Variants in STAG1 observed in about 807,000 individuals in gnomAD.
STAG1 encodes STAG1 cohesin complex component.
Under a neutral mutation model 170.9 loss-of-function variants are expected in STAG1, and 26 were observed. That is an observed-to-expected ratio of 0.15 (90% CI 0.11 to 0.21). STAG1 has a LOEUF of 0.21. Ranked by LOEUF, STAG1 falls within the 10% of genes least tolerant of loss-of-function variation. STAG1 has a pLI of 1.00. For synonymous variants in STAG1, 514 were observed against 497.7 expected (o/e 1.03, Z -0.44); for missense variants, 964 against 1,509.5 (o/e 0.64, Z 5.99).
chr3:136,716,419 C>T (rs1257573316), intron 1 of STAG1, among the ~76,000 whole-genome samples: 5 of 152,096 alleles, frequency 3.3e-5, no homozygotes, highest in Admixed American at 6.5e-5. Context: ...GCCGAGATCA[C>T]GCCACTGCAC....
intron 10 of STAG1, among the ~76,000 whole-genome samples, chr3:136,476,368 T>A (rs527421138): frequency 6.6e-6 from 1 of 152,120 alleles, no homozygotes; most frequent in Non-Finnish European, 1.5e-5. Context: ...CTGACCATCA[T>A]AGTCAAGGGG....
Position 136,394,815 on chromosome 3 carries a change from T to C in STAG1, c.2277+3934A>G, listed in dbSNP as rs1443899230. The stretch of plus-strand genomic sequence containing the variant: ...TAAACATACAAAAATTAGCCAGGCA[T>C]GGTGGTAGGCACCAGTAATCCCAGC... On this transcript the variant is annotated intron_variant, in intron 22 of 33. Transcript: ENST00000383202. Among the ~76,000 whole-genome samples the C allele has an allele frequency of 6.6e-5, 10 of 151,684 alleles. No individual in the cohort carries two copies. The South Asian group carries it at 1.5e-3, about 22-fold the overall frequency.
chr3:136,341,568 T>G lies in STAG1; in HGVS notation c.3447-17A>C. The G allele has an allele frequency of 6.5e-7, 1 of 1,532,878 alleles. No individual in the cohort carries two copies. Among genetic ancestry groups the G allele is most frequent in the Non-Finnish European group, 9.0e-7 (1 of 1,108,638 alleles). The allele number at this position is 1,532,878 out of a possible 1,614,324, so 95.0% of individuals were successfully genotyped here. A position where few individuals can be genotyped will look rare whatever the true frequency, so the allele number is the denominator to read the frequency against. Reference sequence around the variant, plus strand: ...ATCTGAGGACTAAGAGAGGGTACTATTATTAATTTTGTAGCAGCAGATGAT... The same window carrying G: ...ATCTGAGGACTAAGAGAGGGTACTAGTATTAATTTTGTAGCAGCAGATGAT... On this transcript the variant is annotated splice_polypyrimidine_tract_variant and intron_variant, in intron 30 of 33. Coordinates refer to ENST00000383202, the MANE Select transcript of STAG1 (RefSeq NM_005862.3).
intron 1 of STAG1, among the ~76,000 whole-genome samples, chr3:136,688,374 G>A (rs772842141): frequency 5.3e-5 from 8 of 152,166 alleles, no homozygotes; most frequent in Middle Eastern, 3.4e-3. Context: ...AGCAAAGATC[G>A]TTCTACCAAA....
chr3:136,489,987 A>T (rs993987559), intron 9 of STAG1, among the ~76,000 whole-genome samples: 1 of 152,118 alleles, frequency 6.6e-6, no homozygotes, highest in Non-Finnish European at 1.5e-5. Flanking sequence ...AAATACAAAT[A>T]TTTCATTTAT....
chr3:136,659,598 A>G (rs1171578372), intron 1 of STAG1, among the ~76,000 whole-genome samples: 5 of 152,244 alleles, frequency 3.3e-5, no homozygotes, highest in Non-Finnish European at 7.3e-5. Flanking sequence ...GGAAAACTCA[A>G]CTACCTTAAA....
intron 1 of STAG1, among the ~76,000 whole-genome samples, chr3:136,661,160 A>G (rs1941566142): frequency 6.6e-6 from 1 of 152,220 alleles, no homozygotes; most frequent in African/African-American, 2.4e-5. Flanking sequence ...TAGAAGGCCT[A>G]ATGTTTGAAG....
intron 3 of STAG1, among the ~76,000 whole-genome samples, chr3:136,618,943 T>G (rs1939718882): frequency 6.6e-6 from 1 of 152,114 alleles, no homozygotes; most frequent in East Asian, 1.9e-4. Context: ...TGTCTGCAAC[T>G]TACTCCAAAA....
Position 136,359,256 on chromosome 3 carries a change from T to C in STAG1, c.2828A>G (p.Asp943Gly). 6.2e-7 allele frequency: 1 copy of C among 1,612,420 alleles called. No homozygotes were observed. Among genetic ancestry groups the C allele is most frequent in the Non-Finnish European group, 8.5e-7 (1 of 1,179,096 alleles). Residue 943 changes from aspartate to glycine, a missense_variant, in exon 27 of 34, where the codon GAT becomes GGT. Physicochemically the swap from Asp to Gly is moderately conservative, Grantham distance 94 (BLOSUM62 -1). This residue lies in a region of STAG1 where 149 missense variants were observed against 301.3 expected (regional missense o/e 0.49). Coordinates refer to ENST00000383202, the MANE Select transcript of STAG1 (RefSeq NM_005862.3). ...GCCACTGACATGGGCAGATGTCCTA[T>C]CTAGGTTGGGACCTTGCTCTTGAAC... The part of the protein sequence containing the change: ...ELVQEQGPNL[D>G]RTSAHVSGIK...
At chr3:136,557,834 TGG>T (rs1936688327) in intron 5 of STAG1, among the ~76,000 whole-genome samples, 3 of 152,174 alleles carry the variant, frequency 2.0e-5, no homozygotes, top group Non-Finnish European at 4.4e-5. Context: ...CCACAGGGCC[TGG>T]TCAATAATTT....
chr3:136,722,459 A>G (rs536989808), intron 1 of STAG1, among the ~76,000 whole-genome samples: 1 of 152,332 alleles, frequency 6.6e-6, no homozygotes, highest in Non-Finnish European at 1.5e-5. Flanking sequence ...AGATGAGGTC[A>G]TCTACTGAAA....
At position 136,566,385 on chromosome 3, in the gene STAG1, C is replaced by A. The variant is rs74783420; in HGVS notation, c.394+2380G>T. Among the ~76,000 whole-genome samples, 290 of 152,324 alleles carry A rather than the reference C, an allele frequency of 1.9e-3. 7 individuals carry two copies. In the East Asian group the frequency reaches 0.046, roughly 24 times the overall value. On this transcript the variant is annotated intron_variant, in intron 5 of 33. Coordinates refer to ENST00000383202, the MANE Select transcript of STAG1 (RefSeq NM_005862.3). ...ACGATATTGAGACCCTGATCTCAGA[C>A]TTCCAGCCTCCAGACTTGTGAGAAA...
chr3:136,620,783 C>T (rs1939808172), intron 3 of STAG1, among the ~76,000 whole-genome samples: 2 of 152,126 alleles, frequency 1.3e-5, no homozygotes, highest in Non-Finnish European at 2.9e-5. Context: ...CTTTCTTATA[C>T]TGGTTGACAT....
chr3:136,649,924 A>G (rs551761207), intron 1 of STAG1, among the ~76,000 whole-genome samples: 1 of 151,952 alleles, frequency 6.6e-6, no homozygotes, highest in South Asian at 2.1e-4. Flanking sequence ...CATGCCACCA[A>G]GCCTGGCTAA....
At chr3:136,428,461 C>T (rs1559795542) in intron 16 of STAG1, among the ~76,000 whole-genome samples, 1 of 152,172 alleles carries the variant, frequency 6.6e-6, no homozygotes, top group Admixed American at 6.5e-5. Flanking sequence ...AAGTTCAACA[C>T]CACAGGCATC....
intron 25 of STAG1, among the ~76,000 whole-genome samples, chr3:136,366,383 C>T (rs754590204): frequency 6.6e-6 from 1 of 152,086 alleles, no homozygotes; most frequent in African/African-American, 2.4e-5. Flanking sequence ...TTAGTTAACT[C>T]TTAATCTGTA....
At chr3:136,598,746 C>G (rs1938544043) in intron 4 of STAG1, among the ~76,000 whole-genome samples, 1 of 151,972 alleles carries the variant, frequency 6.6e-6, no homozygotes, top group African/African-American at 2.4e-5. Context: ...TTTTAAAAAG[C>G]ACCTTTTTAT....
intron 9 of STAG1, among the ~76,000 whole-genome samples, chr3:136,497,951 G>C (rs1213021741): frequency 6.6e-6 from 1 of 150,878 alleles, no homozygotes; most frequent in African/African-American, 2.4e-5. Context: ...CCAGCACTTT[G>C]GGAGGCCAAG....
intron 21 of STAG1, among the ~76,000 whole-genome samples, chr3:136,408,352 C>T (rs902602359): frequency 6.6e-6 from 1 of 152,112 alleles, no homozygotes; most frequent in Non-Finnish European, 1.5e-5. Context: ...CAGAGTTTCT[C>T]ATGGATACAC....
Sources: gnomAD v4.1 joint callset for allele counts (sites outside exome capture counted in the v4.1 genomes callset) on GRCh38, gnomAD v4.1.1 for gene constraint, gnomAD v4.1.1 regional missense constraint, MANE v1.5 for transcripts, NCBI Gene and HGNC (gene_info 2026-07-23, HGNC 2026-07-21) for gene names.